Variants in CCNJL observed in about 807,000 individuals in gnomAD.
CCNJL encodes cyclin-J-like protein.
A neutral mutation model predicts 33.4 loss-of-function variants in CCNJL; 33 were observed. The observed-to-expected ratio is 0.99, with a 90% CI of 0.75 to 1.32. The LOEUF (loss-of-function observed/expected upper bound fraction) is 1.32. Ranked by LOEUF, CCNJL falls within the 40% of genes most tolerant of loss-of-function variation. The pLI is 0.00. For missense variants in CCNJL, 512 were observed against 499.7 expected, an observed-to-expected ratio of 1.02 and a Z score of -0.23; for synonymous variants, 227 against 220.9, an observed-to-expected ratio of 1.03 and a Z score of -0.24.
intron 2 of CCNJL, among the ~76,000 whole-genome samples, chr5:160,308,842 A>G (rs183624153): frequency 3.3e-5 from 5 of 152,392 alleles, no homozygotes; most frequent in Admixed American, 3.3e-4. Flanking sequence ...AGGTGATTTA[A>G]TAGAGTGACA....
rs960413113 is a variant in CCNJL at position 160,280,471 on chromosome 5, A to G, written c.280+54T>C. On this transcript the variant is annotated intron_variant, in intron 3 of 5. Coordinates refer to ENST00000257536, the MANE Select transcript of CCNJL (RefSeq NM_001308173.3). The stretch of plus-strand genomic sequence containing the variant: ...AAGTGATTTGGAAGCAGCCAGGCGC[A>G]CTGAGCGGGAGGAGACCGCACAAGC... 5 of 1,393,226 alleles carry G rather than the reference A, an allele frequency of 3.6e-6. No individual in the cohort carries two copies. The African/African-American group carries it at 4.2e-5, about 12-fold the overall frequency. The allele number at this position is 1,393,226 out of a possible 1,614,324, so 86.3% of individuals were successfully genotyped here. A position where few individuals can be genotyped will look rare whatever the true frequency, so the allele number is the denominator to read the frequency against.
chr5:160,315,523 A>G (rs1261525493), upstream of CCNJL: 2 of 312,278 alleles, frequency 6.4e-6, no homozygotes, highest in East Asian at 1.8e-4. Context: ...CAAAAACAAA[A>G]ACAAGAGAAA....
intron 1 of CCNJL, chr5:160,326,965 T>A: frequency 1.7e-6 from 1 of 595,926 alleles, no homozygotes; most frequent in Non-Finnish European, 3.2e-6. Context: ...ACGAAGTTTC[T>A]CCAACTAGAA....
intron 3 of CCNJL, among the ~76,000 whole-genome samples, chr5:160,279,851 T>A (rs561368779): frequency 1.3e-5 from 2 of 152,128 alleles, no homozygotes; most frequent in Admixed American, 6.5e-5. Flanking sequence ...TGATGTTAAG[T>A]GGAAGGGTGG....
In CCNJL at chr5:160,304,305, A is replaced by T. The variant is rs200856769; in HGVS notation, c.66+7553T>A. 3.3e-5 allele frequency among the ~76,000 whole-genome samples: 5 copies of T among 152,328 alleles called. No homozygotes were observed. In the East Asian group the frequency reaches 9.7e-4, roughly 29 times the overall value. ...ACTGCAGTCAGTTTCAAAGCTAGAC[A>T]CTATCTTGAGTGGCAGCCCATCTTG... On this transcript the variant is annotated intron_variant, in intron 2 of 5. Coordinates refer to ENST00000257536, the MANE Select transcript of CCNJL (RefSeq NM_001308173.3).
intron 1 of CCNJL, among the ~76,000 whole-genome samples, chr5:160,330,623 C>T (rs944455769): frequency 6.6e-6 from 1 of 152,138 alleles, no homozygotes; most frequent in Admixed American, 6.6e-5. Context: ...GATTTTAGCT[C>T]CTGGCTCATG....
At chr5:160,302,974 G>C (rs1481327971) in intron 2 of CCNJL, among the ~76,000 whole-genome samples, 1 of 152,138 alleles carries the variant, frequency 6.6e-6, no homozygotes, top group East Asian at 1.9e-4. Context: ...GGTATCTTCT[G>C]CGGAGGGAAA....
intron 3 of CCNJL, among the ~76,000 whole-genome samples, chr5:160,278,840 G>A (rs1318526472): frequency 1.3e-5 from 2 of 152,224 alleles, no homozygotes; most frequent in African/African-American, 4.8e-5. Context: ...GAAATACGAT[G>A]CCCAGTGTGC....
chr5:160,321,734 C>A (rs188145225), intron 1 of CCNJL, among the ~76,000 whole-genome samples: 1 of 152,188 alleles, frequency 6.6e-6, no homozygotes, highest in East Asian at 1.9e-4. Flanking sequence ...TAGTTCAAGA[C>A]CAGCCTTGCC....
At chr5:160,281,893 G>C (rs191978478) in intron 2 of CCNJL, among the ~76,000 whole-genome samples, 1 of 152,022 alleles carries the variant, frequency 6.6e-6, no homozygotes, top group Non-Finnish European at 1.5e-5. Flanking sequence ...GACCTCAAGC[G>C]ATCCTTCCCA....
At chr5:160,327,657 A>T (rs1763553794) in intron 1 of CCNJL, among the ~76,000 whole-genome samples, 1 of 152,200 alleles carries the variant, frequency 6.6e-6, no homozygotes, top group Non-Finnish European at 1.5e-5. Flanking sequence ...TCAGAAGAAC[A>T]ACTCTGGGAG....
intron 2 of CCNJL, 150 bp from the exon 3 acceptor site, chr5:160,280,888 C>T (rs1169650114): frequency 5.6e-6 from 4 of 710,122 alleles, no homozygotes; most frequent in Non-Finnish European, 1.0e-5. Context: ...AGGATGGCAG[C>T]CCCGCCTGGG....
chr5:160,258,152 T>C (rs1761151788), intron 4 of CCNJL: 2 of 399,110 alleles, frequency 5.0e-6, no homozygotes, highest in South Asian at 2.6e-5. Context: ...AGTCCAATCA[T>C]TGATCTGGAT....
chr5:160,270,651 C>T (rs1761799499), intron 3 of CCNJL, among the ~76,000 whole-genome samples: 1 of 152,160 alleles, frequency 6.6e-6, no homozygotes, highest in Admixed American at 6.5e-5. Flanking sequence ...AGGATTTACC[C>T]TCCACCCGCA....
chr5:160,309,861 C>T (rs200833558), intron 2 of CCNJL, among the ~76,000 whole-genome samples: 1 of 152,188 alleles, frequency 6.6e-6, no homozygotes, highest in East Asian at 1.9e-4. Flanking sequence ...CTTTCTATTT[C>T]TAACCTGCAA....
chr5:160,264,439 C>T (rs1761487293), intron 3 of CCNJL, among the ~76,000 whole-genome samples: 1 of 152,020 alleles, frequency 6.6e-6, no homozygotes, highest in African/African-American at 2.4e-5. Flanking sequence ...CTGGGCAATT[C>T]GTGGCAGGTG....
chr5:160,302,098 C>T (rs187925610), intron 2 of CCNJL, among the ~76,000 whole-genome samples: 103 of 152,218 alleles, frequency 6.8e-4, no homozygotes, highest in Middle Eastern at 3.4e-3. Flanking sequence ...ACACTATAAA[C>T]GGTATATTCA....
At chr5:160,256,309 T>C (rs1194991383) in intron 4 of CCNJL, among the ~76,000 whole-genome samples, 1 of 152,222 alleles carries the variant, frequency 6.6e-6, no homozygotes, top group Non-Finnish European at 1.5e-5. Context: ...ATTTGTCCTT[T>C]CTTTGGTTAT....
intron 1 of CCNJL, among the ~76,000 whole-genome samples, chr5:160,335,246 G>C (rs552864030): frequency 6.6e-6 from 1 of 152,346 alleles, no homozygotes; most frequent in Non-Finnish European, 1.5e-5. Context: ...CTGGGCAAGA[G>C]AGCGAGACTC....
Sources: allele counts gnomAD v4.1 joint callset (sites outside exome capture counted in the v4.1 genomes callset), GRCh38; gene constraint gnomAD v4.1.1; transcripts MANE v1.5; gene names NCBI Gene and HGNC (gene_info 2026-07-23, HGNC 2026-07-21).